KIF13B: variants seen among roughly 807,000 people sequenced by gnomAD.
KIF13B encodes kinesin family member 13B.
KIF13B carries 127 observed loss-of-function variants against 222.0 expected under a neutral mutation model. The observed-to-expected ratio is 0.57, with a 90% CI of 0.50 to 0.66. The LOEUF is 0.66. Among genes scored for constraint, KIF13B ranks in the 30% least tolerant of loss-of-function variants. The pLI, the probability that KIF13B is intolerant of heterozygous loss-of-function variation, is 0.00. For missense variants in KIF13B, 2,173 were observed against 2,379.0 expected, an observed-to-expected ratio of 0.91 and a Z score of 1.80; for synonymous variants, 976 against 919.0, an observed-to-expected ratio of 1.06 and a Z score of -1.12.
chr8:29,140,053 TG>T lies in KIF13B; in HGVS notation c.2613+9del, dbSNP rs755882744. On this transcript the variant is annotated intron_variant, in intron 21 of 39. Coordinates refer to ENST00000524189, the MANE Select transcript of KIF13B (RefSeq NM_015254.4). Reference sequence around the variant, plus strand: ...TATCAACGTAATACTAGGATGAAGCTGGGACTTACCATGCACACCAGTTTGT... The same window carrying T: ...TATCAACGTAATACTAGGATGAAGCTGGACTTACCATGCACACCAGTTTGT... 6.4e-7 allele frequency: 1 copy of T among 1,571,028 alleles called. No homozygotes were observed. Among genetic ancestry groups the T allele is most frequent in the South Asian group, 1.2e-5 (1 of 85,750 alleles).
rs1807319312 is a variant in KIF13B, at chr8:29,072,092, C to T, written c.4746G>A (p.Leu1582=). The change falls in exon 39 of 40, where the codon CTG becomes CTA. Residue 1582 remains leucine, a synonymous_variant. Transcript: ENST00000524189. The part of the protein sequence containing the change: ...SVSTATLSDA[L]GPGLDAAAPP... The stretch of plus-strand genomic sequence containing the variant: ...GGGCCGCAGCGTCCAGGCCGGGGCC[C>T]AGGGCGTCCGACAGGGTCGCGGTGG... 1.5e-6 allele frequency: 2 copies of T among 1,348,112 alleles called. No individual in the cohort carries two copies. The allele number at this position is 1,348,112 out of a possible 1,614,324, so 83.5% of individuals were successfully genotyped here.
intron 10 of KIF13B, among the ~76,000 whole-genome samples, chr8:29,167,947 A>T (rs765038557): frequency 6.6e-6 from 1 of 152,182 alleles, no homozygotes; most frequent in Admixed American, 6.5e-5. Flanking sequence ...TGCCTCCAAC[A>T]TCTTCCTCCT....
At chr8:29,087,254 C>A (rs1056690128) in intron 37 of KIF13B, among the ~76,000 whole-genome samples, 3 of 152,212 alleles carry the variant, frequency 2.0e-5, no homozygotes, top group Non-Finnish European at 2.9e-5. Flanking sequence ...TGTCACTCTG[C>A]GGCTTGACAA....
intron 5 of KIF13B, among the ~76,000 whole-genome samples, chr8:29,187,070 G>A (rs1377140449): frequency 2.0e-5 from 3 of 151,636 alleles, no homozygotes; most frequent in Non-Finnish European, 2.9e-5. Flanking sequence ...AAAGTTTTCC[G>A]AAATAAGCTG....
chr8:29,214,059 T>A (rs1814363550), intron 2 of KIF13B, among the ~76,000 whole-genome samples: 1 of 152,230 alleles, frequency 6.6e-6, no homozygotes. Flanking sequence ...ATCAATGCAG[T>A]TTGCAGGACT....
intron 2 of KIF13B, among the ~76,000 whole-genome samples, chr8:29,216,198 C>T (rs1302500554): frequency 6.6e-6 from 1 of 152,182 alleles, no homozygotes; most frequent in Non-Finnish European, 1.5e-5. Context: ...CAAGGTAGGT[C>T]TTATCCTCTC....
intron 2 of KIF13B, among the ~76,000 whole-genome samples, chr8:29,228,261 C>T (rs570933543): frequency 2.7e-5 from 4 of 150,832 alleles, no homozygotes; most frequent in African/African-American, 7.3e-5. Context: ...GTCAGGAGGT[C>T]GAGACCATCC....
chr8:29,140,232 G>A, intron 20 of KIF13B, 41 bp from the exon 21 acceptor site: 1 of 1,610,806 alleles, frequency 6.2e-7, no homozygotes, highest in Non-Finnish European at 8.5e-7. Flanking sequence ...CTCCAGATTT[G>A]GTTCGTGCTC....
chr8:29,135,776 T>C (rs1810525951), intron 21 of KIF13B, among the ~76,000 whole-genome samples: 1 of 152,112 alleles, frequency 6.6e-6, no homozygotes, highest in Non-Finnish European at 1.5e-5. Context: ...ATGCCTGTAG[T>C]CCCAGCTACT....
At chr8:29,074,792 A>G (rs1162870530) in intron 38 of KIF13B, among the ~76,000 whole-genome samples, 1 of 152,258 alleles carries the variant, frequency 6.6e-6, no homozygotes, top group African/African-American at 2.4e-5. Context: ...TTTTCCTAAG[A>G]AGATACAGCA....
At chr8:29,109,701 T>C (rs2133609805) in intron 33 of KIF13B, among the ~76,000 whole-genome samples, 190 bp from the exon 34 acceptor site, 2 of 152,340 alleles carry the variant, frequency 1.3e-5, no homozygotes, top group South Asian at 4.1e-4. Flanking sequence ...AATACATACA[T>C]CTACTATGTA....
rs755475407 is a variant in KIF13B, at chr8:29,177,620, G to A, written c.721-42C>T. ...TCAATACTAATCAACAGGAACACAG[G>A]GCCAGGTGTGGTGGCTCATGCCAGT... On this transcript the variant is annotated intron_variant, in intron 8 of 39. Coordinates refer to ENST00000524189, the MANE Select transcript of KIF13B (RefSeq NM_015254.4). 4 of 1,314,444 alleles carry A rather than the reference G, an allele frequency of 3.0e-6. No homozygotes were observed. The East Asian group carries it at 9.2e-5, about 30-fold the overall frequency. 81.4% of individuals were successfully genotyped at this position (1,314,444 alleles called of 1,614,324 possible).
At chr8:29,259,964 C>A (rs1223704363) in intron 1 of KIF13B, among the ~76,000 whole-genome samples, 2 of 152,154 alleles carry the variant, frequency 1.3e-5, no homozygotes, top group Admixed American at 1.3e-4. Context: ...CACAAACTGG[C>A]ATGGAAATGA....
chr8:29,077,208 C>A (rs13250513), intron 37 of KIF13B, among the ~76,000 whole-genome samples: 58,445 of 151,876 alleles, frequency 0.38, 12,452 homozygotes, highest in Non-Finnish European at 0.5. Flanking sequence ...CCTTCAGCCT[C>A]CACCTCAATT....
At chr8:29,183,550 C>T (rs998746675) in intron 6 of KIF13B, among the ~76,000 whole-genome samples, 1 of 152,184 alleles carries the variant, frequency 6.6e-6, no homozygotes, top group East Asian at 1.9e-4. Context: ...CTCTTGACCA[C>T]CTCTTAGTCA....
At chr8:29,124,589 A>T (rs1586811389) in intron 26 of KIF13B, among the ~76,000 whole-genome samples, 1 of 152,066 alleles carries the variant, frequency 6.6e-6, no homozygotes, top group Non-Finnish European at 1.5e-5. Flanking sequence ...CTCTACTCAA[A>T]ATATAAAAAA....
Position 29,099,231 on chromosome 8 carries a change from T to G in KIF13B, c.4226A>C (p.Glu1409Ala). 1 of 1,610,964 alleles carries G rather than the reference T, an allele frequency of 6.2e-7. No individual in the cohort carries two copies. Among genetic ancestry groups the G allele is most frequent in the Non-Finnish European group, 8.5e-7 (1 of 1,178,354 alleles). Residue 1409 changes from glutamate to alanine, a missense_variant, in exon 36 of 40, where the codon GAA becomes GCA. Physicochemically the swap from Glu to Ala is moderately radical, Grantham distance 107 (BLOSUM62 -1). Transcript: ENST00000524189. ...GGTTTGGGATACATCCTGCTGACTT[T>G]CCCACCGGCCCTAGTAAAGACAAAA... is the stretch of plus-strand genomic sequence containing the variant. ...YSLGSNKGRW[E>A]SQQDVSQTTV... is the part of the protein sequence containing the mutation.
intron 10 of KIF13B, 78 bp downstream of exon 10, chr8:29,175,990 G>C (rs1392152476): frequency 1.3e-6 from 1 of 779,762 alleles, no homozygotes; most frequent in Non-Finnish European, 2.2e-6. Context: ...ACCTGGAAGG[G>C]ATTAACAGTC....
In KIF13B at chr8:29,167,517, A is replaced by T. The variant is rs376444669; in HGVS notation, c.1014T>A (p.Asp338Glu). 8 of 1,614,050 alleles carry T rather than the reference A, an allele frequency of 5.0e-6. No homozygotes were observed. Among genetic ancestry groups the T allele is most frequent in the South Asian group, 4.4e-5 (4 of 91,084 alleles). Residue 338 changes from aspartate (D) to glutamate (E), a missense_variant, in exon 11 of 40, where the codon GAT becomes GAA. Physicochemically the swap from Asp to Glu is conservative, Grantham distance 45 (BLOSUM62 2). Transcript: ENST00000524189. Reference protein sequence around the residue: ...ATVSPAADNYDETLSTLRYAD... With the variant: ...ATVSPAADNYEETLSTLRYAD... ...CATACCGCAGAGTTGAGAGGGTTTC[A>T]TCATAGTTATCAGCTGCAGGACTCA...
Sources: allele counts gnomAD v4.1 joint callset (sites outside exome capture counted in the v4.1 genomes callset), GRCh38; gene constraint gnomAD v4.1.1; transcripts MANE v1.5; gene names NCBI Gene and HGNC (gene_info 2026-07-23, HGNC 2026-07-21).